MEGF9: variants seen among roughly 807,000 people sequenced by gnomAD.
MEGF9 encodes multiple epidermal growth factor-like domains protein 9.
Under a neutral mutation model 46.8 loss-of-function variants are expected in MEGF9, and 6 were observed. The observed-to-expected ratio is 0.13, with a 90% CI of 0.07 to 0.25. The LOEUF (loss-of-function observed/expected upper bound fraction) is 0.25. Ranked by LOEUF, MEGF9 falls within the 10% of genes least tolerant of loss-of-function variation. The pLI is 1.00. For missense variants in MEGF9, 683 were observed against 792.4 expected (o/e 0.86, Z 1.66); for synonymous variants, 302 against 330.7 (o/e 0.91, Z 0.94).
intron 1 of MEGF9, among the ~76,000 whole-genome samples, chr9:120,694,002 C>T (rs952557351): frequency 6.6e-6 from 1 of 151,696 alleles, no homozygotes; most frequent in Non-Finnish European, 1.5e-5. Flanking sequence ...GGGTAAAATG[C>T]ATACTTTCTA....
intron 2 of MEGF9, among the ~76,000 whole-genome samples, chr9:120,633,794 G>A (rs185121862): frequency 2.7e-4 from 41 of 152,070 alleles, no homozygotes; most frequent in Admixed American, 1.4e-3. Context: ...GGGATGTTGC[G>A]TTTCTATTTT....
chr9:120,612,336 T>C, intron 4 of MEGF9, 60 bp downstream of exon 4: 10 of 1,536,200 alleles, frequency 6.5e-6, no homozygotes, highest in Non-Finnish European at 8.9e-6. Flanking sequence ...ATGCAACTTA[T>C]ACCTATTGAT....
At chr9:120,697,667 C>G (rs1344339097) in intron 1 of MEGF9, among the ~76,000 whole-genome samples, 1 of 152,168 alleles carries the variant, frequency 6.6e-6, no homozygotes, top group Non-Finnish European at 1.5e-5. Context: ...CCATGCTTTT[C>G]TACCTGCTTA....
rs148154486 is a variant in MEGF9 at position 120,684,201 on chromosome 9, A to G, written c.602-24626T>C. On this transcript the variant is annotated intron_variant, in intron 1 of 5. Transcript: ENST00000373930. ...GAACCTGAATTTGGGCAGAGTCACTAGTAAAGGCTGCTTCTTCAAACATAC... is the reference window on the plus strand; with the variant it reads ...GAACCTGAATTTGGGCAGAGTCACTGGTAAAGGCTGCTTCTTCAAACATAC... Among the ~76,000 whole-genome samples the G allele has an allele frequency of 9.9e-3, 1,502 of 152,314 alleles. 11 individuals are homozygous for G. The highest frequency in any genetic ancestry group is 0.017 in the Non-Finnish European group (1,128 of 68,026).
At chr9:120,690,624 T>C (rs1177784205) in intron 1 of MEGF9, among the ~76,000 whole-genome samples, 1 of 152,120 alleles carries the variant, frequency 6.6e-6, no homozygotes, top group Non-Finnish European at 1.5e-5. Flanking sequence ...GTACAGACTC[T>C]TCAGTGACCA....
intron 2 of MEGF9, among the ~76,000 whole-genome samples, chr9:120,634,897 T>C (rs2043567289): frequency 1.3e-5 from 2 of 152,220 alleles, no homozygotes; most frequent in Admixed American, 1.3e-4. Context: ...TTGTCCATCT[T>C]TTCTAACAGT....
chr9:120,706,343 C>T (rs1413908166), intron 1 of MEGF9, among the ~76,000 whole-genome samples: 1 of 152,012 alleles, frequency 6.6e-6, no homozygotes, highest in African/African-American at 2.4e-5. Flanking sequence ...TATGCTGCTC[C>T]AGAAACTAAT....
intron 2 of MEGF9, among the ~76,000 whole-genome samples, chr9:120,634,818 T>A (rs2043566934): frequency 2.0e-5 from 3 of 152,196 alleles, no homozygotes; most frequent in Admixed American, 2.0e-4. Flanking sequence ...TGTTCTGCCT[T>A]TATTGTTTAT....
intron 1 of MEGF9, among the ~76,000 whole-genome samples, chr9:120,686,513 G>GT (rs1382744955): frequency 3.9e-5 from 6 of 152,208 alleles, no homozygotes; most frequent in Non-Finnish European, 8.8e-5. Context: ...AGCTTTATAT[G>GT]TTTTTTAACC....
chr9:120,696,290 G>A (rs75395530), intron 1 of MEGF9, among the ~76,000 whole-genome samples: 6,132 of 152,216 alleles, frequency 0.04, 414 homozygotes, highest in African/African-American at 0.14. Flanking sequence ...CCCAGGTAGA[G>A]GGAACAGCAC....
At chr9:120,612,616 A>T in intron 3 of MEGF9, 77 bp from the exon 4 acceptor site, 1 of 1,333,908 alleles carries the variant, frequency 7.5e-7, no homozygotes, top group South Asian at 1.4e-5. Context: ...CATGCCTGCA[A>T]CAAAAAGATC....
At position 120,613,616 on chromosome 9, in the gene MEGF9, G is replaced by A. The variant is rs564412853; in HGVS notation, c.944-1077C>T. ...AAAAAACAAAACAAAGTTAGGTTTT[G>A]TAATAATACTCCCTTGGCACTCTAT... On this transcript the variant is annotated intron_variant, in intron 3 of 5. Coordinates refer to ENST00000373930, the MANE Select transcript of MEGF9 (RefSeq NM_001080497.3). Among the ~76,000 whole-genome samples, 160 of 152,142 alleles carry A rather than the reference G, an allele frequency of 1.1e-3. 1 individual carries two copies. The highest frequency in any genetic ancestry group is 3.8e-3 in the African/African-American group (158 of 41,532).
chr9:120,631,896 TCCTTCTCCTTCCTCA>T (rs370717470), intron 2 of MEGF9, among the ~76,000 whole-genome samples: 10 of 152,108 alleles, frequency 6.6e-5, no homozygotes, highest in African/African-American at 2.4e-4. Flanking sequence ...ATTCTTCTTC[TCCTTCTCCTTCCTCA>T]CCTTCTCCTT....
intron 1 of MEGF9, among the ~76,000 whole-genome samples, chr9:120,674,009 A>T (rs2043762106): frequency 6.6e-6 from 1 of 151,888 alleles, no homozygotes; most frequent in East Asian, 1.9e-4. Flanking sequence ...CATGGATCAT[A>T]GCCCTAAATG....
intron 2 of MEGF9, among the ~76,000 whole-genome samples, chr9:120,651,529 T>C (rs981233857): frequency 3.3e-5 from 5 of 152,214 alleles, no homozygotes; most frequent in African/African-American, 4.8e-5. Flanking sequence ...CTACATTATA[T>C]GGTTGCTATG....
chr9:120,679,166 A>C (rs1175849057), intron 1 of MEGF9, among the ~76,000 whole-genome samples: 2 of 152,210 alleles, frequency 1.3e-5, no homozygotes, highest in Non-Finnish European at 2.9e-5. Context: ...CTATAAAGAC[A>C]CATGCACACA....
chr9:120,699,576 A>G (rs932173759), intron 1 of MEGF9, among the ~76,000 whole-genome samples: 4 of 151,302 alleles, frequency 2.6e-5, no homozygotes, highest in African/African-American at 9.7e-5. Flanking sequence ...TTTTTAAATT[A>G]GCTGAGCATG....
intron 1 of MEGF9, among the ~76,000 whole-genome samples, chr9:120,675,033 C>A (rs1215229873): frequency 6.6e-6 from 1 of 152,136 alleles, no homozygotes; most frequent in Non-Finnish European, 1.5e-5. Flanking sequence ...CACCAGCCAT[C>A]ATGTCTGGCT....
chr9:120,695,389 A>C (rs938257512), intron 1 of MEGF9, among the ~76,000 whole-genome samples: 1 of 152,054 alleles, frequency 6.6e-6, no homozygotes, highest in Non-Finnish European at 1.5e-5. Flanking sequence ...GCAAATCACA[A>C]GGTCAGGAGT....
Sources: allele counts gnomAD v4.1 joint callset (sites outside exome capture counted in the v4.1 genomes callset), GRCh38; gene constraint gnomAD v4.1.1; transcripts MANE v1.5; gene names NCBI Gene and HGNC (gene_info 2026-07-23, HGNC 2026-07-21).